Variants in STK32B observed in about 807,000 individuals in gnomAD.
STK32B encodes the protein serine/threonine kinase 32B, also known as serine/threonine-protein kinase 32B.
A neutral mutation model predicts 52.6 loss-of-function variants in STK32B; 43 were observed. That is an observed-to-expected ratio of 0.82 (90% confidence interval 0.64 to 1.05). The LOEUF (loss-of-function observed/expected upper bound fraction) is 1.05, where lower values mean the gene tolerates loss of function less well. Ranked by LOEUF, STK32B falls within the 50% of genes least tolerant of loss-of-function variation. The probability of loss-of-function intolerance (pLI) is 0.00; values close to 1 mark genes in which losing one functional copy is unlikely to be tolerated. For missense variants in STK32B, 621 were observed against 534.6 expected, an observed-to-expected ratio of 1.16 and a Z score of -1.59; for synonymous variants, 238 against 204.3, an observed-to-expected ratio of 1.17 and a Z score of -1.41.
At chr4:5,130,344 C>T (rs973309698) in intron 1 of STK32B, among the ~76,000 whole-genome samples, 9 of 151,714 alleles carry the variant, frequency 5.9e-5, no homozygotes, top group Non-Finnish European at 8.8e-5. Flanking sequence ...AGGAGAGTGA[C>T]GGTGGGGAGG....
chr4:5,089,883 C>T (rs1452560326), intron 1 of STK32B, among the ~76,000 whole-genome samples: 1 of 152,118 alleles, frequency 6.6e-6, no homozygotes, highest in African/African-American at 2.4e-5. Context: ...TCTATTGTTT[C>T]CTGACTTTTT....
At position 5,469,977 on chromosome 4, in the gene STK32B, G is replaced by A. The variant is rs1043932176; in HGVS notation, c.1106+1907G>A. ...CAGGCAGCCTTCATTCTCTGTGTGT[G>A]GGCCGTGGAGTCCAATGAGAGCAGC... On this transcript the variant is annotated intron_variant, in intron 11 of 11. Transcript: ENST00000282908. This position sits in a 1 kb window ranked among gnomAD's most constrained non-coding sequence, Gnocchi z 4.7. Among the ~76,000 whole-genome samples the A allele has an allele frequency of 6.6e-6, 1 of 152,156 alleles. No individual in the cohort carries two copies.
intron 3 of STK32B, among the ~76,000 whole-genome samples, chr4:5,169,964 G>A (rs1326416146): frequency 6.6e-6 from 1 of 151,890 alleles, no homozygotes. Flanking sequence ...GAGAAATTTT[G>A]TATTCCATTT....
At chr4:5,030,323 G>A in the STK32B span, among the ~76,000 whole-genome samples, 1 of 152,180 alleles carries the variant, frequency 6.6e-6, no homozygotes, top group Non-Finnish European at 1.5e-5. Flanking sequence ...TATCAGATTT[G>A]GGATTTCCTG....
the STK32B span, among the ~76,000 whole-genome samples, chr4:5,040,140 C>T: frequency 6.6e-6 from 1 of 152,166 alleles, no homozygotes. Context: ...AATTCCATGG[C>T]CACTCCCACC....
chr4:5,391,390 G>A (rs1039689492), intron 4 of STK32B, among the ~76,000 whole-genome samples: 4 of 152,132 alleles, frequency 2.6e-5, no homozygotes, highest in East Asian at 1.9e-4. Context: ...TGGCAAAGAC[G>A]CTATTTGCTG....
At chr4:5,481,498 G>A (rs188335315) in intron 11 of STK32B, among the ~76,000 whole-genome samples, 74 of 152,250 alleles carry the variant, frequency 4.9e-4, no homozygotes, top group African/African-American at 1.7e-3. Flanking sequence ...ATTGTCAGAT[G>A]AGTAGATTGC....
chr4:5,224,642 C>G (rs1347025161), intron 3 of STK32B, among the ~76,000 whole-genome samples: 1 of 152,022 alleles, frequency 6.6e-6, no homozygotes. Flanking sequence ...TACTGTCAGA[C>G]GAATCTCAGG....
chr4:5,263,431 G>T (rs2062795), intron 3 of STK32B, among the ~76,000 whole-genome samples: 13,527 of 152,158 alleles, frequency 0.089, 861 homozygotes, highest in African/African-American at 0.18. Context: ...AGAACTCTGT[G>T]AAATGTTGAC....
At chr4:5,289,665 C>A (rs1577299035) in intron 3 of STK32B, among the ~76,000 whole-genome samples, 1 of 150,328 alleles carries the variant, frequency 6.7e-6, no homozygotes, top group Non-Finnish European at 1.5e-5. Flanking sequence ...AGTACAGGCA[C>A]CCACCACCAT....
At chr4:5,354,241 A>C (rs1380104047) in intron 4 of STK32B, among the ~76,000 whole-genome samples, 4 of 152,212 alleles carry the variant, frequency 2.6e-5, no homozygotes, top group Admixed American at 1.3e-4. Flanking sequence ...GAGGGTATGT[A>C]GATTGCAGGG....
At chr4:5,172,900 G>A (rs1389178624) in intron 3 of STK32B, among the ~76,000 whole-genome samples, 1 of 152,158 alleles carries the variant, frequency 6.6e-6, no homozygotes, top group African/African-American at 2.4e-5. Flanking sequence ...GTTCCTCCTT[G>A]TACCTCTAGT....
intron 3 of STK32B, among the ~76,000 whole-genome samples, chr4:5,225,759 C>T (rs1723825575): frequency 6.6e-6 from 1 of 152,186 alleles, no homozygotes; most frequent in South Asian, 2.1e-4. Flanking sequence ...ACAAGAGCAC[C>T]TCTAACCAAC....
rs750484476 is a variant in STK32B, at chr4:5,398,181, G to A, written c.435-26G>A. ...CATCTGTGGGCTCAGGAACCACATT[G>A]CCAGCTTCTTTGTTTTCTTTTACAG... On this transcript the variant is annotated intron_variant, in intron 4 of 11. Transcript: ENST00000282908. The surrounding 1 kb of genome is among the most constrained non-coding windows in gnomAD (Gnocchi z 4.9). 5.0e-6 allele frequency: 8 copies of A among 1,613,480 alleles called. No individual in the cohort carries two copies. The highest frequency in any genetic ancestry group is 3.3e-4 in the Middle Eastern group (2 of 6,080).
chr4:5,173,321 T>G (rs1174322442), intron 3 of STK32B, among the ~76,000 whole-genome samples: 1 of 152,208 alleles, frequency 6.6e-6, no homozygotes, highest in Admixed American at 6.5e-5. Context: ...TGCTCTGATC[T>G]TAGTTATTTC....
At chr4:5,143,137 G>GTCTGTCTA (rs1432496038) in intron 2 of STK32B, among the ~76,000 whole-genome samples, 8 of 150,822 alleles carry the variant, frequency 5.3e-5, no homozygotes, top group South Asian at 2.1e-4. Flanking sequence ...CTGTCTATCT[G>GTCTGTCTA]TCTGTCTATC....
chr4:5,400,342 C>G lies in STK32B; in HGVS notation c.472+2098C>G, dbSNP rs1033718559. On this transcript the variant is annotated intron_variant, in intron 5 of 11. Transcript: ENST00000282908. The surrounding 1 kb of genome is among the most constrained non-coding windows in gnomAD (Gnocchi z 6.1). Reference sequence around the variant, plus strand: ...CATTCTCAGCCTCCACCTCAGCCTTCCCCACATTCTTTCTGCATCTCGTTC... The same window carrying G: ...CATTCTCAGCCTCCACCTCAGCCTTGCCCACATTCTTTCTGCATCTCGTTC... Among the ~76,000 whole-genome samples the G allele has an allele frequency of 6.6e-6, 1 of 152,192 alleles. No individual in the cohort carries two copies. Among genetic ancestry groups the G allele is most frequent in the African/African-American group, 2.4e-5 (1 of 41,468 alleles).
chr4:5,325,972 G>T (rs1731848426), intron 3 of STK32B, among the ~76,000 whole-genome samples: 1 of 152,196 alleles, frequency 6.6e-6, no homozygotes, highest in Non-Finnish European at 1.5e-5. Flanking sequence ...TAGGGTCTGT[G>T]GCCTGGTGAA....
At chr4:5,111,899 G>C (rs960927611) in intron 1 of STK32B, among the ~76,000 whole-genome samples, 1 of 152,186 alleles carries the variant, frequency 6.6e-6, no homozygotes, top group South Asian at 2.1e-4. Context: ...AGGAAGAGAA[G>C]TGAGACAGGG....
Sources: allele counts gnomAD v4.1 joint callset (sites outside exome capture counted in the v4.1 genomes callset), GRCh38; gene constraint gnomAD v4.1.1; non-coding constraint Gnocchi (gnomAD v3.1); transcripts MANE v1.5; gene names NCBI Gene and HGNC (gene_info 2026-07-23, HGNC 2026-07-21).